The following MEP1A variants were observed in gnomAD, a reference collection of about 807,000 sequenced individuals.
MEP1A encodes the protein meprin A subunit alpha.
MEP1A carries 68 observed loss-of-function variants against 84.5 expected under a neutral mutation model. That is an observed-to-expected ratio of 0.80 (90% confidence interval 0.66 to 0.98). The LOEUF (loss-of-function observed/expected upper bound fraction) is 0.98. Ranked by LOEUF, MEP1A falls within the 50% of genes least tolerant of loss-of-function variation. MEP1A has a pLI of 0.00. For synonymous variants in MEP1A, 337 were observed against 336.8 expected, an observed-to-expected ratio of 1.00 and a Z score of -0.01; for missense variants, 887 against 919.9, an observed-to-expected ratio of 0.96 and a Z score of 0.46.
At chr6:46,822,157 C>A (rs79942368) in intron 7 of MEP1A, among the ~76,000 whole-genome samples, 2 of 152,120 alleles carry the variant, frequency 1.3e-5, no homozygotes, top group Non-Finnish European at 2.9e-5. Context: ...TATCTACTTG[C>A]TTTTGTAAAT....
intron 5 of MEP1A, among the ~76,000 whole-genome samples, chr6:46,806,904 C>G (rs1767338679): frequency 6.6e-6 from 1 of 151,948 alleles, no homozygotes; most frequent in African/African-American, 2.4e-5. Flanking sequence ...TGAATCTTAC[C>G]CAATGAAATT....
At chr6:46,805,561 T>C (rs766962492) in intron 5 of MEP1A, among the ~76,000 whole-genome samples, 14 of 151,972 alleles carry the variant, frequency 9.2e-5, no homozygotes, top group African/African-American at 1.9e-4. Flanking sequence ...ATCAGATATA[T>C]ATTTTGCAAA....
intron 5 of MEP1A, among the ~76,000 whole-genome samples, chr6:46,807,811 GAAAGAAAGAA>G (rs1767394323): frequency 6.7e-6 from 1 of 149,000 alleles, no homozygotes; most frequent in Non-Finnish European, 1.5e-5. Context: ...AAGAAAGAAA[GAAAGAAAGAA>G]AGAAAGAAAG....
chr6:46,838,646 G>A (rs9349377), intron 13 of MEP1A, among the ~76,000 whole-genome samples: 52,654 of 152,046 alleles, frequency 0.35, 9,919 homozygotes, highest in African/African-American at 0.48. Context: ...TTCCTCCTGA[G>A]TCCTTGGTGG....
Position 46,833,084 on chromosome 6 carries a change from C to A in MEP1A, c.1155C>A (p.Asp385Glu). 6.6e-7 allele frequency: 1 copy of A among 1,522,428 alleles called. No homozygotes were observed. Among genetic ancestry groups the A allele is most frequent in the East Asian group, 2.3e-5 (1 of 44,218 alleles). The allele number at this position is 1,522,428 out of a possible 1,614,324, so 94.3% of individuals were successfully genotyped here. ...VKVQTFQGDD[D>E]HNWKIAHVVL... ...GTTCTCTGTCCTCAGGAGATGATGACCACAATTGGAAAATTGCCCATGTGG... is the reference window on the plus strand; with the variant it reads ...GTTCTCTGTCCTCAGGAGATGATGAACACAATTGGAAAATTGCCCATGTGG... Residue 385 changes from aspartate to glutamate, a missense_variant, in exon 11 of 14, where the codon GAC becomes GAA. By Grantham distance (45) the Asp-to-Glu change is conservative. Coordinates refer to ENST00000230588, the MANE Select transcript of MEP1A (RefSeq NM_005588.3).
rs148416427 is a variant in MEP1A, at chr6:46,835,293, A to C, written c.1828A>C (p.Arg610=). The change falls in exon 13 of 14, where the codon AGA becomes CGA. Residue 610 remains arginine, a synonymous_variant. Coordinates refer to ENST00000230588, the MANE Select transcript of MEP1A (RefSeq NM_005588.3). ...GACTGAAGTTCCCACTAAAGGCAAA[A>C]GACTGAGCCCCCAAGGCCTCATTCT... ...SQTEVPTKGK[R]LSPQGLILQG... The C allele has an allele frequency of 7.2e-5, 115 of 1,604,986 alleles. No individual in the cohort carries two copies. The African/African-American group carries it at 1.5e-3, about 21-fold the overall frequency.
chr6:46,795,589 ACGC>A (rs1400215848), intron 3 of MEP1A, among the ~76,000 whole-genome samples: 2 of 152,056 alleles, frequency 1.3e-5, no homozygotes, highest in Non-Finnish European at 2.9e-5. Context: ...ATGAGCCACC[ACGC>A]CTGGCCTAGA....
chr6:46,794,401 G>A (rs980413800), intron 3 of MEP1A, among the ~76,000 whole-genome samples: 4 of 152,146 alleles, frequency 2.6e-5, no homozygotes, highest in Admixed American at 2.6e-4. Flanking sequence ...ATATTTATTT[G>A]TCCAGTCTTG....
rs60287159 is a variant in MEP1A at position 46,807,512 on chromosome 6, TAAAGAAAGAAAG to T, written c.263-1863_263-1852del. On this transcript the variant is annotated intron_variant, in intron 5 of 13. Transcript: ENST00000230588. ...AACAAAGTGAGACCCCCATCTGAAA[TAAAGAAAGAAAG>T]AAAGAAAGAAAGAAAGAAAGAAAGA... Among the ~76,000 whole-genome samples, 72 of 49,590 alleles carry T rather than the reference TAAAGAAAGAAAG, an allele frequency of 1.5e-3. 2 individuals carry two copies. The highest frequency in any genetic ancestry group is 3.5e-3 in the African/African-American group (48 of 13,840). 32.5% of individuals were successfully genotyped at this position (49,590 alleles called of 152,430 possible).
At position 46,835,467 on chromosome 6, in the gene MEP1A, C is replaced by T. The variant is rs1432577660; in HGVS notation, c.2002C>T (p.Gln668Ter). The T allele has an allele frequency of 6.2e-7, 1 of 1,613,088 alleles. No homozygotes were observed. Among genetic ancestry groups the T allele is most frequent in the African/African-American group, 1.3e-5 (1 of 74,916 alleles). ...TGPLEDHNWP[Q>*]YFRDPCDPNP... is the part of the protein sequence containing the mutation. ...CCCCCTGGAGGACCATAACTGGCCA[C>T]AGTACTTCAGAGACCCATGTGACCC... The change falls in exon 13 of 14, where the codon CAG becomes TAG. Residue 668 changes from glutamine (Q) to a stop codon, truncating the protein, a stop_gained. Transcript: ENST00000230588. LOFTEE classifies it high-confidence loss of function.
chr6:46,801,173 G>T (rs571431754), intron 5 of MEP1A, among the ~76,000 whole-genome samples: 1 of 152,162 alleles, frequency 6.6e-6, no homozygotes, highest in African/African-American at 2.4e-5. Flanking sequence ...TGGTCATATG[G>T]ATAACTATGT....
At chr6:46,803,895 T>C (rs1051677221) in intron 5 of MEP1A, among the ~76,000 whole-genome samples, 1 of 151,688 alleles carries the variant, frequency 6.6e-6, no homozygotes, top group African/African-American at 2.4e-5. Context: ...TTAAAAATAT[T>C]GTCCTTAGCG....
At chr6:46,804,462 T>G (rs1180893486) in intron 5 of MEP1A, among the ~76,000 whole-genome samples, 1 of 151,572 alleles carries the variant, frequency 6.6e-6, no homozygotes, top group African/African-American at 2.4e-5. Context: ...AACAGTTTTA[T>G]TTGCTTTATT....
At chr6:46,806,221 T>C (rs1767314107) in intron 5 of MEP1A, among the ~76,000 whole-genome samples, 1 of 152,098 alleles carries the variant, frequency 6.6e-6, no homozygotes, top group Non-Finnish European at 1.5e-5. Context: ...TTGCTTTTAC[T>C]AATATCTATC....
chr6:46,817,671 C>CATATAT (rs1486321469), intron 6 of MEP1A, among the ~76,000 whole-genome samples: 1 of 152,176 alleles, frequency 6.6e-6, no homozygotes, highest in Non-Finnish European at 1.5e-5. Context: ...ACAAAATCCA[C>CATATAT]ATAATTACTT....
At chr6:46,836,111 G>A (rs1269461074) in intron 13 of MEP1A, among the ~76,000 whole-genome samples, 2 of 152,064 alleles carry the variant, frequency 1.3e-5, no homozygotes, top group Non-Finnish European at 2.9e-5. Context: ...GTGACATAAG[G>A]GCTCTCCTTA....
downstream of MEP1A, among the ~76,000 whole-genome samples, chr6:46,842,240 A>T (rs1768346231): frequency 6.6e-6 from 1 of 152,204 alleles, no homozygotes; most frequent in African/African-American, 2.4e-5. Flanking sequence ...AAAAGAACAG[A>T]ATAACAGCGA....
intron 11 of MEP1A, among the ~76,000 whole-genome samples, chr6:46,834,190 T>C (rs1768146474): frequency 6.6e-6 from 1 of 151,820 alleles, no homozygotes; most frequent in Admixed American, 6.6e-5. Context: ...CCCAAAGTGC[T>C]AGGATTACAG....
intron 6 of MEP1A, among the ~76,000 whole-genome samples, chr6:46,818,373 T>C (rs1440000085): frequency 1.3e-5 from 2 of 152,194 alleles, no homozygotes; most frequent in African/African-American, 4.8e-5. Flanking sequence ...ACTGTGACTG[T>C]CACCATGAAA....
Sources: allele counts gnomAD v4.1 joint callset (sites outside exome capture counted in the v4.1 genomes callset), GRCh38; gene constraint gnomAD v4.1.1; transcripts MANE v1.5; gene names NCBI Gene and HGNC (gene_info 2026-07-23, HGNC 2026-07-21).